The following SAMD8 variants were observed in gnomAD, a reference collection of about 807,000 sequenced individuals.
SAMD8 encodes sphingomyelin synthase-related protein 1.
In SAMD8, 20 loss-of-function variants were observed where a neutral mutation model predicts 42.0. The ratio of observed to expected loss-of-function variants is 0.48; its 90% CI spans 0.34 to 0.69. SAMD8 has a LOEUF of 0.69. Among genes scored for constraint, SAMD8 ranks in the 30% least tolerant of loss-of-function variants. The pLI, the probability that SAMD8 is intolerant of heterozygous loss-of-function variation, is 0.01. For synonymous variants in SAMD8, 162 were observed against 173.0 expected, an observed-to-expected ratio of 0.94 and a Z score of 0.50; for missense variants, 328 against 511.6, an observed-to-expected ratio of 0.64 and a Z score of 3.46.
chr10:75,155,909 G>GT (rs989372886), intron 2 of SAMD8, among the ~76,000 whole-genome samples: 1 of 152,130 alleles, frequency 6.6e-6, no homozygotes, highest in Non-Finnish European at 1.5e-5. Context: ...ACAGATCGTG[G>GT]TTTTAAAATA....
chr10:75,113,974 A>G (rs1693278008), intron 1 of SAMD8, among the ~76,000 whole-genome samples: 1 of 152,222 alleles, frequency 6.6e-6, no homozygotes, highest in South Asian at 2.1e-4. Context: ...CAATTAACAT[A>G]TTAGCATGTC....
intron 1 of SAMD8, among the ~76,000 whole-genome samples, chr10:75,124,821 T>TC (rs1396566808): frequency 1.4e-5 from 2 of 147,156 alleles, no homozygotes; most frequent in Non-Finnish European, 3.0e-5. Context: ...TTTTTTTTTT[T>TC]CCTAAGATGG....
chr10:75,118,869 T>C (rs1343106970), intron 1 of SAMD8, among the ~76,000 whole-genome samples: 1 of 152,218 alleles, frequency 6.6e-6, no homozygotes, highest in Non-Finnish European at 1.5e-5. Flanking sequence ...CTTTTTGCTT[T>C]CATAAGAATT....
chr10:75,137,642 T>C (rs903250454), intron 1 of SAMD8, among the ~76,000 whole-genome samples: 1 of 152,160 alleles, frequency 6.6e-6, no homozygotes, highest in Non-Finnish European at 1.5e-5. Flanking sequence ...TGCATGATTC[T>C]ACTTATGTGA....
chr10:75,152,730 A>G (rs1317246311), intron 2 of SAMD8, among the ~76,000 whole-genome samples: 1 of 151,728 alleles, frequency 6.6e-6, no homozygotes, highest in Non-Finnish European at 1.5e-5. Flanking sequence ...GCCAAGCATG[A>G]TGGCACATGC....
intron 2 of SAMD8, among the ~76,000 whole-genome samples, chr10:75,157,934 CA>C (rs1840453242): frequency 6.6e-6 from 1 of 151,292 alleles, no homozygotes; most frequent in Admixed American, 6.6e-5. Context: ...CTGAGGCGGG[CA>C]GATCACCTGA....
At chr10:75,174,579 C>T (rs191987269) in intron 4 of SAMD8, among the ~76,000 whole-genome samples, 67 of 151,166 alleles carry the variant, frequency 4.4e-4, no homozygotes, top group African/African-American at 1.6e-3. Flanking sequence ...GGATTACAGG[C>T]ATGTGCCACC....
At position 75,138,621 on chromosome 10, in the gene SAMD8, A is replaced by G. The variant is rs186368840; in HGVS notation, c.-15-11893A>G. The stretch of plus-strand genomic sequence containing the variant: ...TTTCATCAAGTATGGATATAAGAAT[A>G]TAATAGAAAATATACTGAGTTCTTT... On this transcript the variant is annotated intron_variant, in intron 1 of 5. Transcript: ENST00000542569. 2.0e-3 allele frequency among the ~76,000 whole-genome samples: 309 copies of G among 152,348 alleles called. 1 individual carries two copies. Among genetic ancestry groups the G allele is most frequent in the African/African-American group, 7.1e-3 (295 of 41,588 alleles).
At chr10:75,111,160 A>G (rs1243483763), upstream of SAMD8, among the ~76,000 whole-genome samples, 1 of 152,220 alleles carries the variant, frequency 6.6e-6, no homozygotes, top group Non-Finnish European at 1.5e-5. Context: ...TGGCATAGAC[A>G]CTGTCAAAGA....
chr10:75,123,187 C>G (rs1308567371), intron 1 of SAMD8, among the ~76,000 whole-genome samples: 1 of 146,522 alleles, frequency 6.8e-6, no homozygotes, highest in Non-Finnish European at 1.5e-5. Flanking sequence ...CCACCCCACC[C>G]CACCCCACCC....
chr10:75,112,743 G>A (rs16932028), intron 1 of SAMD8, among the ~76,000 whole-genome samples: 28,722 of 152,078 alleles, frequency 0.19, 2,973 homozygotes, highest in East Asian at 0.26. Flanking sequence ...ACAAGACTTT[G>A]GATACTCAGA....
chr10:75,148,846 G>T (rs906364709), intron 1 of SAMD8, among the ~76,000 whole-genome samples: 1 of 152,032 alleles, frequency 6.6e-6, no homozygotes, highest in South Asian at 2.1e-4. Context: ...GTTTTGTTTG[G>T]TTTTTCAAGA....
upstream of SAMD8, chr10:75,109,162 C>T (rs1186279434): frequency 1.3e-6 from 2 of 1,575,304 alleles, no homozygotes; most frequent in Admixed American, 3.6e-5. Flanking sequence ...AGCCATGGGC[C>T]AGCCCGCCCA....
At chr10:75,171,101 A>G (rs1250325332) in intron 4 of SAMD8, among the ~76,000 whole-genome samples, 3 of 141,276 alleles carry the variant, frequency 2.1e-5, no homozygotes, top group Non-Finnish European at 4.6e-5. Context: ...ACAAGGTAGG[A>G]TTATATTGCA....
In SAMD8 at chr10:75,159,510, A is replaced by G. The variant is rs543066426; in HGVS notation, c.579-5135A>G. Among the ~76,000 whole-genome samples, 21 of 152,192 alleles carry G rather than the reference A, an allele frequency of 1.4e-4. No individual in the cohort carries two copies. The South Asian group carries it at 4.1e-3, about 30-fold the overall frequency. On this transcript the variant is annotated intron_variant, in intron 2 of 5. Transcript: ENST00000542569. ...AGCAGATGCTGTCAGTGTTCCTTCT[A>G]TATCCCCTCAGATCCCTTTTCCATT...
intron 2 of SAMD8, among the ~76,000 whole-genome samples, chr10:75,154,394 T>C (rs1840363935): frequency 6.6e-6 from 1 of 152,196 alleles, no homozygotes; most frequent in Non-Finnish European, 1.5e-5. Flanking sequence ...GAAGAAATCA[T>C]GTGGCTGTCT....
At chr10:75,122,207 G>A (rs1425919634) in intron 1 of SAMD8, among the ~76,000 whole-genome samples, 2 of 151,988 alleles carry the variant, frequency 1.3e-5, no homozygotes, top group Admixed American at 1.3e-4. Flanking sequence ...CCCATTCAAG[G>A]AGTAAATATT....
chr10:75,158,064 CAGG>C (rs969473939), intron 2 of SAMD8, among the ~76,000 whole-genome samples: 1 of 151,690 alleles, frequency 6.6e-6, no homozygotes, highest in Non-Finnish European at 1.5e-5. Context: ...GAGGCTGAGG[CAGG>C]AGAATTGCTT....
chr10:75,162,379 G>A (rs946575594), intron 2 of SAMD8, among the ~76,000 whole-genome samples: 7 of 151,680 alleles, frequency 4.6e-5, no homozygotes, highest in African/African-American at 1.7e-4. Flanking sequence ...GGCTGGGCAC[G>A]TGGCTCACGC....
Sources: allele counts gnomAD v4.1 joint callset (sites outside exome capture counted in the v4.1 genomes callset), GRCh38; gene constraint gnomAD v4.1.1; transcripts MANE v1.5; gene names NCBI Gene and HGNC (gene_info 2026-07-23, HGNC 2026-07-21).